The following ARMC3 variants were observed in gnomAD, a reference collection of about 807,000 sequenced individuals.
ARMC3 encodes the protein armadillo repeat containing 3.
ARMC3 carries 74 observed loss-of-function variants against 90.3 expected under a neutral mutation model. That is an observed-to-expected ratio of 0.82 (90% CI 0.68 to 0.99). The LOEUF (loss-of-function observed/expected upper bound fraction) is 0.99. Ranked by LOEUF, ARMC3 falls within the 50% of genes least tolerant of loss-of-function variation. The probability of loss-of-function intolerance (pLI) is 0.00; values close to 1 mark genes in which losing one functional copy is unlikely to be tolerated. For missense variants in ARMC3, 958 were observed against 1,042.8 expected (o/e 0.92, Z 1.12); for synonymous variants, 334 against 361.8 (o/e 0.92, Z 0.87).
chr10:23,003,014 C>T (rs1323333799), intron 12 of ARMC3, among the ~76,000 whole-genome samples: 2 of 152,138 alleles, frequency 1.3e-5, no homozygotes, highest in Non-Finnish European at 2.9e-5. Flanking sequence ...CTTTTTCCCC[C>T]AAAAGCATCC....
intron 14 of ARMC3, 82 bp from the exon 15 acceptor site, chr10:23,008,194 A>G (rs956886923): frequency 1.4e-6 from 1 of 711,842 alleles, no homozygotes; most frequent in African/African-American, 1.8e-5. Context: ...GACTTTCAGA[A>G]AAAAATCTGT....
intron 3 of ARMC3, among the ~76,000 whole-genome samples, chr10:22,950,686 T>G (rs982832489): frequency 1.6e-4 from 25 of 152,198 alleles, no homozygotes; most frequent in Admixed American, 1.4e-3. Context: ...AGGGAGAAAT[T>G]GGTATATTGG....
chr10:23,022,045 G>A (rs12264254), intron 16 of ARMC3, among the ~76,000 whole-genome samples: 2,136 of 151,956 alleles, frequency 0.014, 55 homozygotes, highest in African/African-American at 0.049. Flanking sequence ...CCTGCTTCTT[G>A]GTGAATGCCT....
rs764028970 is a variant in ARMC3 at position 23,030,781 on chromosome 10, T to C, written c.2231T>C (p.Ile744Thr). 1.9e-6 allele frequency: 3 copies of C among 1,613,516 alleles called. No homozygotes were observed. The South Asian group carries it at 3.3e-5, about 18-fold the overall frequency. ...ILPITNIKEQIEDLAKYVAEK... is the reference protein window; with the variant it reads ...ILPITNIKEQTEDLAKYVAEK... ...CCAATAACCAATATTAAGGAACAGA[T>C]TGAGGATCTGGCAAAGTAAGTTGTC... Residue 744 changes from isoleucine (I) to threonine (T), a missense_variant, in exon 17 of 19, where the codon ATT becomes ACT. Physicochemically the swap from Ile to Thr is moderately conservative, Grantham distance 89. Transcript: ENST00000298032.
At chr10:22,957,090 T>C (rs1403111824) in intron 4 of ARMC3, among the ~76,000 whole-genome samples, 1 of 152,154 alleles carries the variant, frequency 6.6e-6, no homozygotes, top group African/African-American at 2.4e-5. Flanking sequence ...AACACATGCC[T>C]ATCGTGGTAC....
chr10:22,974,737 G>A (rs143622250), intron 8 of ARMC3, among the ~76,000 whole-genome samples: 178 of 152,124 alleles, frequency 1.2e-3, no homozygotes, highest in African/African-American at 4.1e-3. Context: ...CCGGCTCCTG[G>A]GTCCAAGTGA....
chr10:23,028,153 A>G (rs1207686562), intron 16 of ARMC3, among the ~76,000 whole-genome samples: 1 of 152,160 alleles, frequency 6.6e-6, no homozygotes, highest in Admixed American at 6.6e-5. Flanking sequence ...AAAAACAAAC[A>G]AAGAACAACA....
At chr10:22,979,015 C>T (rs1269528216) in intron 8 of ARMC3, among the ~76,000 whole-genome samples, 1 of 152,158 alleles carries the variant, frequency 6.6e-6, no homozygotes, top group Non-Finnish European at 1.5e-5. Context: ...TGCCTTTGAC[C>T]TGGTACCAGT....
Position 22,981,378 on chromosome 10 carries a change from A to G in ARMC3, c.955A>G (p.Lys319Glu), listed in dbSNP as rs1426192885. ...ACTTTTTCATGAACAAGAGGTTGAAAAGTGCCTTGTAGCCCTTTTGGGTTC... is the reference window on the plus strand; with the variant it reads ...ACTTTTTCATGAACAAGAGGTTGAAGAGTGCCTTGTAGCCCTTTTGGGTTC... ...RKLFHEQEVE[K>E]CLVALLGSEN... The change falls in exon 9 of 19, where the codon AAG (lysine) becomes GAG (glutamate). Residue 319 changes from lysine (K) to glutamate (E), a missense_variant. By Grantham distance (56) the Lys-to-Glu change is moderately conservative. Transcript: ENST00000298032. 2.5e-6 allele frequency: 4 copies of G among 1,611,338 alleles called. No individual in the cohort carries two copies. The highest frequency in any genetic ancestry group is 3.4e-5 in the Admixed American group (2 of 59,418).
rs570281393 is a variant in ARMC3 at position 22,955,829 on chromosome 10, C to T, written c.189C>T (p.Leu63=). The T allele has an allele frequency of 1.2e-6, 2 of 1,613,920 alleles. No individual in the cohort carries two copies. The highest frequency in any genetic ancestry group is 1.1e-5 in the South Asian group (1 of 91,050). The part of the protein sequence containing the change: ...ALKGEENKTT[L]LELGAVEPLT... ...CAGGTGAGGAAAATAAAACAACCCT[C>T]CTTGAACTTGGAGCTGTGGAACCTT... Residue 63 remains leucine (L), a synonymous_variant, in exon 4 of 19, where the codon CTC becomes CTT. Transcript: ENST00000298032.
At chr10:22,948,380 C>T (rs1834619333) in intron 3 of ARMC3, among the ~76,000 whole-genome samples, 2 of 151,838 alleles carry the variant, frequency 1.3e-5, no homozygotes. Context: ...AAGAAATAGG[C>T]ATGTATTTCA....
At chr10:23,012,950 G>A (rs1838089955) in intron 16 of ARMC3, among the ~76,000 whole-genome samples, 1 of 148,026 alleles carries the variant, frequency 6.8e-6, no homozygotes, top group South Asian at 2.1e-4. Flanking sequence ...GTGCAATGGT[G>A]TGATCCTGGC....
intron 8 of ARMC3, among the ~76,000 whole-genome samples, chr10:22,972,530 A>G (rs1007788391): frequency 6.6e-6 from 1 of 152,214 alleles, no homozygotes; most frequent in African/African-American, 2.4e-5. Context: ...TAGTTCTAAA[A>G]TAACTACATT....
chr10:23,031,980 G>A (rs932966608), intron 17 of ARMC3, among the ~76,000 whole-genome samples: 31 of 152,164 alleles, frequency 2.0e-4, no homozygotes, highest in African/African-American at 7.2e-4. Context: ...GGCCAGGCAC[G>A]CTAGCTCATG....
chr10:22,940,692 C>T (rs914407179), intron 2 of ARMC3, among the ~76,000 whole-genome samples: 1 of 152,054 alleles, frequency 6.6e-6, no homozygotes, highest in African/African-American at 2.4e-5. Flanking sequence ...CACTATGTTG[C>T]CCAGGCTGGT....
At chr10:22,979,971 A>G (rs893770591) in intron 8 of ARMC3, among the ~76,000 whole-genome samples, 3 of 152,170 alleles carry the variant, frequency 2.0e-5, no homozygotes, top group African/African-American at 7.2e-5. Flanking sequence ...GGCCAAAAGT[A>G]TTTGCAAATA....
intron 8 of ARMC3, among the ~76,000 whole-genome samples, chr10:22,969,534 C>A (rs1835589470): frequency 6.6e-6 from 1 of 152,176 alleles, no homozygotes; most frequent in Non-Finnish European, 1.5e-5. Flanking sequence ...CAAGATTTCA[C>A]CATCCAGTAT....
At chr10:22,979,300 C>G (rs1047051044) in intron 8 of ARMC3, among the ~76,000 whole-genome samples, 1 of 152,270 alleles carries the variant, frequency 6.6e-6, no homozygotes, top group Admixed American at 6.5e-5. Flanking sequence ...CTTGGTGTAG[C>G]AATTCAAGGA....
At chr10:23,011,898 A>G (rs1055314343) in intron 16 of ARMC3, among the ~76,000 whole-genome samples, 2 of 152,138 alleles carry the variant, frequency 1.3e-5, no homozygotes, top group Non-Finnish European at 2.9e-5. Flanking sequence ...GTTCCCCTTT[A>G]GTCCACCCAG....
Sources: allele counts gnomAD v4.1 joint callset (sites outside exome capture counted in the v4.1 genomes callset), GRCh38; gene constraint gnomAD v4.1.1; transcripts MANE v1.5; gene names NCBI Gene and HGNC (gene_info 2026-07-23, HGNC 2026-07-21).